PTPRD: variants seen among roughly 807,000 people sequenced by gnomAD.
PTPRD encodes protein tyrosine phosphatase receptor type D, also known as receptor-type tyrosine-protein phosphatase delta.
Under a neutral mutation model 214.5 loss-of-function variants are expected in PTPRD, and 34 were observed. The observed-to-expected ratio is 0.16, with a 90% CI of 0.12 to 0.21. PTPRD has a LOEUF of 0.21. Ranked by LOEUF, PTPRD falls within the 10% of genes least tolerant of loss-of-function variation. The pLI is 1.00. For missense variants in PTPRD, 2,545 were observed against 2,398.7 expected (o/e 1.06, Z -1.27); for synonymous variants, 1,128 against 845.7 (o/e 1.33, Z -5.79).
At chr9:8,478,765 T>A (rs1375876147) in intron 30 of PTPRD, among the ~76,000 whole-genome samples, 2 of 152,204 alleles carry the variant, frequency 1.3e-5, no homozygotes, top group East Asian at 3.8e-4. Flanking sequence ...ACTCTCCTGA[T>A]GTGGCACACA....
intron 11 of PTPRD, among the ~76,000 whole-genome samples, chr9:8,775,819 C>T (rs560021939): frequency 7.1e-6 from 1 of 140,634 alleles, no homozygotes; most frequent in East Asian, 2.1e-4. Context: ...CCAAGTCTCT[C>T]TAAAAAATAA....
intron 7 of PTPRD, among the ~76,000 whole-genome samples, chr9:9,651,592 C>T (rs781656533): frequency 6.6e-6 from 1 of 152,114 alleles, no homozygotes; most frequent in South Asian, 2.1e-4. Flanking sequence ...ATTATGGCTG[C>T]ATAGTATTCC....
At chr9:8,815,691 C>G (rs1049872295) in intron 11 of PTPRD, among the ~76,000 whole-genome samples, 3 of 151,998 alleles carry the variant, frequency 2.0e-5, no homozygotes, top group Admixed American at 1.3e-4. Context: ...TAAAATTATT[C>G]CTAGGCAACT....
chr9:10,418,603 C>T (rs1169475590), intron 2 of PTPRD, among the ~76,000 whole-genome samples: 1 of 151,728 alleles, frequency 6.6e-6, no homozygotes, highest in Non-Finnish European at 1.5e-5. Context: ...TAAGGTTTCT[C>T]TTTCCCACTC....
intron 35 of PTPRD, among the ~76,000 whole-genome samples, chr9:8,415,288 A>G (rs1386380743): frequency 6.6e-6 from 1 of 152,154 alleles, no homozygotes; most frequent in African/African-American, 2.4e-5. Flanking sequence ...CCTTTCTGAT[A>G]ATTGCTTTTT....
chr9:9,008,226 T>TTTA (rs1555697553), intron 11 of PTPRD, among the ~76,000 whole-genome samples: 1 of 145,900 alleles, frequency 6.9e-6, no homozygotes, highest in Admixed American at 7.0e-5. Context: ...TATTTATTTA[T>TTTA]TTATTTATTT....
At chr9:9,314,366 A>G (rs1265684356) in intron 9 of PTPRD, among the ~76,000 whole-genome samples, 2 of 152,132 alleles carry the variant, frequency 1.3e-5, no homozygotes, top group Non-Finnish European at 2.9e-5. Flanking sequence ...ATGAGGTAGT[A>G]TATAAAAAAT....
intron 2 of PTPRD, among the ~76,000 whole-genome samples, chr9:10,479,663 A>AAACAAACAAAC (rs1239210789): frequency 9.2e-5 from 14 of 151,896 alleles, no homozygotes; most frequent in African/African-American, 3.1e-4. Flanking sequence ...ATAAATAAAC[A>AAACAAACAAAC]AAAATACAAA....
At chr9:9,410,158 A>G (rs2074913199) in intron 8 of PTPRD, among the ~76,000 whole-genome samples, 1 of 152,178 alleles carries the variant, frequency 6.6e-6, no homozygotes, top group East Asian at 1.9e-4. Context: ...TAAGTGAAGT[A>G]GCCTTCCTGA....
At chr9:9,004,385 ATT>A (rs2099444825) in intron 11 of PTPRD, among the ~76,000 whole-genome samples, 1 of 151,992 alleles carries the variant, frequency 6.6e-6, no homozygotes, top group Admixed American at 6.6e-5. Flanking sequence ...CAACACAATT[ATT>A]TTTGGAACTA....
At chr9:9,837,757 T>A (rs1019868059) in intron 5 of PTPRD, among the ~76,000 whole-genome samples, 3 of 151,196 alleles carry the variant, frequency 2.0e-5, no homozygotes, top group African/African-American at 7.4e-5. Flanking sequence ...TTGCTGCATT[T>A]TTTTATTCTT....
At chr9:9,596,588 A>G (rs1237954105) in intron 7 of PTPRD, among the ~76,000 whole-genome samples, 1 of 151,998 alleles carries the variant, frequency 6.6e-6, no homozygotes. Context: ...ACAAGAAATG[A>G]TTTATTGCTA....
intron 4 of PTPRD, among the ~76,000 whole-genome samples, chr9:9,992,580 G>C (rs2095979920): frequency 6.6e-6 from 1 of 152,198 alleles, no homozygotes; most frequent in Non-Finnish European, 1.5e-5. Flanking sequence ...ACTGGGTTAA[G>C]AAAATGTGGC....
At chr9:8,526,475 G>C (rs1466851181) in intron 17 of PTPRD, 152 bp downstream of exon 17, 2 of 468,018 alleles carry the variant, frequency 4.3e-6, no homozygotes, top group Non-Finnish European at 7.5e-6. Flanking sequence ...CACAATATGA[G>C]AGTCACTGAT....
chr9:9,361,529 T>C (rs1333100087), intron 9 of PTPRD, among the ~76,000 whole-genome samples: 1 of 151,092 alleles, frequency 6.6e-6, no homozygotes, highest in East Asian at 1.9e-4. Flanking sequence ...TTGATCTTTT[T>C]TTTTATTGAT....
intron 3 of PTPRD, among the ~76,000 whole-genome samples, chr9:10,201,522 TTTAA>T (rs1422086943): frequency 1.3e-5 from 2 of 152,064 alleles, no homozygotes; most frequent in African/African-American, 4.8e-5. Flanking sequence ...TAGGAGTATA[TTTAA>T]TTGTCATCTT....
intron 11 of PTPRD, among the ~76,000 whole-genome samples, chr9:8,835,507 T>G (rs1384703607): frequency 1.3e-5 from 2 of 152,142 alleles, no homozygotes; most frequent in Non-Finnish European, 2.9e-5. Context: ...TACAGCCCTT[T>G]GCCCTGACAA....
chr9:9,442,553 C>T (rs2088496311), intron 8 of PTPRD, among the ~76,000 whole-genome samples: 1 of 151,850 alleles, frequency 6.6e-6, no homozygotes, highest in South Asian at 2.1e-4. Flanking sequence ...GAAATAAAGC[C>T]CAAATGAAGG....
intron 3 of PTPRD, among the ~76,000 whole-genome samples, chr9:10,037,220 T>C (rs1437454967): frequency 6.6e-6 from 1 of 152,040 alleles, no homozygotes; most frequent in Non-Finnish European, 1.5e-5. Context: ...ATGGCTTGGA[T>C]CTTTGTCCCC....
Sources: gnomAD v4.1 joint callset for allele counts (sites outside exome capture counted in the v4.1 genomes callset) on GRCh38, gnomAD v4.1.1 for gene constraint, MANE v1.5 for transcripts, NCBI Gene and HGNC (gene_info 2026-07-23, HGNC 2026-07-21) for gene names.